BRINP1: variants seen among roughly 807,000 people sequenced by gnomAD.
The protein encoded by BRINP1 is BMP/retinoic acid-inducible neural-specific protein 1.
In BRINP1, 17 loss-of-function variants were observed where a neutral mutation model predicts 72.9. The ratio of observed to expected loss-of-function variants is 0.23; its 90% CI spans 0.16 to 0.35. The LOEUF (loss-of-function observed/expected upper bound fraction) is 0.35, where lower values mean the gene tolerates loss of function less well. BRINP1 is among the 10% of genes least tolerant of loss of function. BRINP1 has a pLI of 1.00. For synonymous variants in BRINP1, 418 were observed against 378.5 expected (o/e 1.10, Z -1.21); for missense variants, 850 against 1,001.6 (o/e 0.85, Z 2.04).
At chr9:119,364,332 T>C (rs1405082014) in intron 1 of BRINP1, among the ~76,000 whole-genome samples, 1 of 152,114 alleles carries the variant, frequency 6.6e-6, no homozygotes, top group Non-Finnish European at 1.5e-5. Flanking sequence ...ATAGGCTGGT[T>C]TGTGCGGTAA....
intron 7 of BRINP1, among the ~76,000 whole-genome samples, chr9:119,184,439 T>C (rs1163570917): frequency 6.6e-6 from 1 of 152,202 alleles, no homozygotes; most frequent in Non-Finnish European, 1.5e-5. Context: ...AGGACACTTG[T>C]AAGCACTTGT....
At chr9:119,354,378 G>A (rs1831537833) in intron 1 of BRINP1, among the ~76,000 whole-genome samples, 1 of 152,184 alleles carries the variant, frequency 6.6e-6, no homozygotes, top group Non-Finnish European at 1.5e-5. Context: ...AAAATGTAAT[G>A]AAGCAAGTGG....
chr9:119,193,790 T>G (rs2118853628), intron 7 of BRINP1, among the ~76,000 whole-genome samples: 1 of 152,318 alleles, frequency 6.6e-6, no homozygotes, highest in South Asian at 2.1e-4. Context: ...TCCTTTGCTA[T>G]TTCTCCCGTA....
chr9:119,361,631 T>C (rs1307147022), intron 1 of BRINP1, among the ~76,000 whole-genome samples: 1 of 151,860 alleles, frequency 6.6e-6, no homozygotes, highest in Non-Finnish European at 1.5e-5. Context: ...TTTTTTTTGT[T>C]TTTTTTTCAG....
At chr9:119,246,350 C>T (rs1830316299) in intron 3 of BRINP1, among the ~76,000 whole-genome samples, 1 of 152,198 alleles carries the variant, frequency 6.6e-6, no homozygotes, top group African/African-American at 2.4e-5. Flanking sequence ...GCCACCGTGG[C>T]TAGAACGAAA....
At chr9:119,227,688 C>T (rs750440905) in intron 5 of BRINP1, among the ~76,000 whole-genome samples, 2 of 152,020 alleles carry the variant, frequency 1.3e-5, no homozygotes. Context: ...ATGATTCACC[C>T]CAAAGCTGCT....
intron 5 of BRINP1, 134 bp from the exon 6 acceptor site, chr9:119,214,289 G>A (rs1588166491): frequency 1.5e-6 from 1 of 669,166 alleles, no homozygotes; most frequent in Non-Finnish European, 2.6e-6. Context: ...TATATTTCTG[G>A]GCCAACCTAG....
chr9:119,298,209 G>T (rs1329214115), intron 2 of BRINP1, among the ~76,000 whole-genome samples: 1 of 152,166 alleles, frequency 6.6e-6, no homozygotes, highest in Non-Finnish European at 1.5e-5. Context: ...GCAGGGAAAG[G>T]AATCCAAAGT....
chr9:119,354,634 A>G (rs1831540199), intron 1 of BRINP1, among the ~76,000 whole-genome samples: 1 of 152,028 alleles, frequency 6.6e-6, no homozygotes, highest in Non-Finnish European at 1.5e-5. Flanking sequence ...TCAAGGCAGG[A>G]GGATCGCTTA....
intron 1 of BRINP1, among the ~76,000 whole-genome samples, chr9:119,331,391 T>G (rs1831299191): frequency 6.6e-6 from 1 of 152,200 alleles, no homozygotes; most frequent in Admixed American, 6.5e-5. Flanking sequence ...ATTTTGTTGT[T>G]TTGGGTTTTG....
At chr9:119,312,598 T>C (rs1831079389) in intron 2 of BRINP1, among the ~76,000 whole-genome samples, 2 of 152,214 alleles carry the variant, frequency 1.3e-5, no homozygotes, top group Non-Finnish European at 2.9e-5. Context: ...AGTACAGACC[T>C]GCTTAACAAA....
At chr9:119,226,565 T>C (rs1830093922) in intron 5 of BRINP1, among the ~76,000 whole-genome samples, 1 of 152,012 alleles carries the variant, frequency 6.6e-6, no homozygotes, top group Admixed American at 6.6e-5. Flanking sequence ...AGTCTGAGTC[T>C]TTAAGTTCCC....
chr9:119,249,132 C>A lies in BRINP1; in HGVS notation c.237G>T (p.Lys79Asn). The A allele has an allele frequency of 6.2e-7, 1 of 1,613,600 alleles. No individual in the cohort carries two copies. The highest frequency in any genetic ancestry group is 8.5e-7 in the Non-Finnish European group (1 of 1,179,842). Reference protein sequence around the residue: ...YKIYREFARWKVRNTAIERRD... With the variant: ...YKIYREFARWNVRNTAIERRD... ...TCCTCTCGATGGCTGTGTTCCTCAC[C>A]TTCCAACGGGCAAACTCCCTGGGCA... Residue 79 changes from lysine to asparagine, a missense_variant, in exon 3 of 8, where the codon AAG (lysine) becomes AAT (asparagine). Lys to Asn is a moderately conservative substitution (Grantham distance 94). Coordinates refer to ENST00000265922, the MANE Select transcript of BRINP1 (RefSeq NM_014618.3).
chr9:119,266,778 A>C (rs1830552339), intron 2 of BRINP1, among the ~76,000 whole-genome samples: 1 of 152,222 alleles, frequency 6.6e-6, no homozygotes, highest in African/African-American at 2.4e-5. Context: ...GGCTTATTTC[A>C]CTTAGCATAA....
rs1830020521 is a variant in BRINP1, at chr9:119,219,799, CT to C, written c.686-5645del. Reference sequence around the variant, plus strand: ...GAAAGAACAATGAACTCAGCATGGACTGGATTAGGGGTGTTAAAAGCACTCT... The same window carrying C: ...GAAAGAACAATGAACTCAGCATGGACGGATTAGGGGTGTTAAAAGCACTCT... On this transcript the variant is annotated intron_variant, in intron 5 of 7. Coordinates refer to ENST00000265922, the MANE Select transcript of BRINP1 (RefSeq NM_014618.3). Among the ~76,000 whole-genome samples, 3 of 152,150 alleles carry C rather than the reference CT, an allele frequency of 2.0e-5. 1 individual carries two copies. The South Asian group carries it at 6.2e-4, about 32-fold the overall frequency.
At chr9:119,198,557 T>C (rs1829769818) in intron 7 of BRINP1, among the ~76,000 whole-genome samples, 1 of 152,226 alleles carries the variant, frequency 6.6e-6, no homozygotes, top group Non-Finnish European at 1.5e-5. Context: ...GATAGGCTCG[T>C]GCTTTATTTT....
chr9:119,298,132 A>G (rs1276684534), intron 2 of BRINP1, among the ~76,000 whole-genome samples: 5 of 152,224 alleles, frequency 3.3e-5, no homozygotes, highest in African/African-American at 1.2e-4. Flanking sequence ...GTTATCCTAA[A>G]GTGATAGTCT....
intron 7 of BRINP1, among the ~76,000 whole-genome samples, chr9:119,205,132 G>A (rs141378219): frequency 6.6e-6 from 1 of 152,256 alleles, no homozygotes; most frequent in East Asian, 1.9e-4. Context: ...GCCCTGCGGT[G>A]TGAGAAATAC....
At position 119,167,583 on chromosome 9, in the gene BRINP1, T is replaced by C; in HGVS notation, c.1787A>G (p.Gln596Arg). The C allele has an allele frequency of 6.2e-7, 1 of 1,614,182 alleles. No homozygotes were observed. Among genetic ancestry groups the C allele is most frequent in the Non-Finnish European group, 8.5e-7 (1 of 1,180,038 alleles). The stretch of plus-strand genomic sequence containing the variant: ...CAGCAAAAGAGTCCAGTTGTAGCAC[T>C]GGCTGTTTTGGAGACGGATCTTCTC... Reference protein sequence around the residue: ...RWEKIRLQNSQCYNWTLLLGN... With the variant: ...RWEKIRLQNSRCYNWTLLLGN... The change falls in exon 8 of 8, where the codon CAG becomes CGG. Residue 596 changes from glutamine to arginine, a missense_variant. Physicochemically the swap from Gln to Arg is conservative, Grantham distance 43 (BLOSUM62 1). Transcript: ENST00000265922. The surrounding 1 kb of genome is among the most constrained non-coding windows in gnomAD (Gnocchi z 4.3).
Sources: gnomAD v4.1 joint callset for allele counts (sites outside exome capture counted in the v4.1 genomes callset) on GRCh38, gnomAD v4.1.1 for gene constraint, Gnocchi (gnomAD v3.1) non-coding constraint, MANE v1.5 for transcripts, NCBI Gene and HGNC (gene_info 2026-07-23, HGNC 2026-07-21) for gene names.